CCDC73: variants seen among roughly 807,000 people sequenced by gnomAD.
The protein encoded by CCDC73 is coiled-coil domain-containing protein 73.
CCDC73 carries 95 observed loss-of-function variants against 116.5 expected under a neutral mutation model. That is an observed-to-expected ratio of 0.82 (90% CI 0.69 to 0.97). The LOEUF (loss-of-function observed/expected upper bound fraction) is 0.97. Among genes scored for constraint, CCDC73 ranks in the 50% least tolerant of loss-of-function variants. The pLI is 0.00. For synonymous variants in CCDC73, 398 were observed against 401.3 expected, an observed-to-expected ratio of 0.99 and a Z score of 0.10; for missense variants, 1,066 against 1,206.8, an observed-to-expected ratio of 0.88 and a Z score of 1.73.
chr11:32,753,119 T>G (rs1250315677), intron 2 of CCDC73, among the ~76,000 whole-genome samples: 1 of 152,002 alleles, frequency 6.6e-6, no homozygotes, highest in Non-Finnish European at 1.5e-5. Flanking sequence ...GCCAGTCACT[T>G]TTTTTTAACT....
chr11:32,635,572 G>T, intron 14 of CCDC73, 124 bp downstream of exon 14: 1 of 839,800 alleles, frequency 1.2e-6, no homozygotes, highest in Non-Finnish European at 1.5e-6. Flanking sequence ...ATGTATTAGA[G>T]ACCATATGCA....
intron 3 of CCDC73, among the ~76,000 whole-genome samples, chr11:32,709,597 G>A (rs12292567): frequency 0.012 from 1,822 of 152,270 alleles, 36 homozygotes; most frequent in African/African-American, 0.042. Flanking sequence ...TGCACAGCCT[G>A]CTGTTGGATT....
intron 1 of CCDC73, among the ~76,000 whole-genome samples, chr11:32,783,776 G>A (rs2133399490): frequency 6.6e-6 from 1 of 152,172 alleles, no homozygotes; most frequent in Non-Finnish European, 1.5e-5. Flanking sequence ...ATGAATTTGG[G>A]GGAGACACAA....
chr11:32,784,477 C>T (rs1282461210), intron 1 of CCDC73, among the ~76,000 whole-genome samples: 3 of 152,046 alleles, frequency 2.0e-5, no homozygotes, highest in Non-Finnish European at 2.9e-5. Flanking sequence ...ATGCTACAAC[C>T]GTTTATGGAG....
the CCDC73 span, among the ~76,000 whole-genome samples, chr11:32,820,342 A>T: frequency 6.6e-6 from 1 of 152,022 alleles, no homozygotes; most frequent in Non-Finnish European, 1.5e-5. Flanking sequence ...TTTTGTAGAG[A>T]TGAGGGTCTC....
At chr11:32,770,259 A>G (rs886683081) in intron 1 of CCDC73, among the ~76,000 whole-genome samples, 3 of 152,158 alleles carry the variant, frequency 2.0e-5, no homozygotes, top group Non-Finnish European at 4.4e-5. Flanking sequence ...AAGAGTTCAA[A>G]GGTAGAAACT....
intron 9 of CCDC73, among the ~76,000 whole-genome samples, chr11:32,665,440 G>C (rs938864121): frequency 6.6e-6 from 1 of 152,062 alleles, no homozygotes; most frequent in Non-Finnish European, 1.5e-5. Flanking sequence ...TTTGATCTTT[G>C]TTGGTTTAAA....
chr11:32,648,447 T>C (rs1405548647), intron 12 of CCDC73, among the ~76,000 whole-genome samples: 1 of 152,268 alleles, frequency 6.6e-6, no homozygotes, highest in East Asian at 1.9e-4. Flanking sequence ...CATGTTCATC[T>C]TTCAGTCATT....
the CCDC73 span, among the ~76,000 whole-genome samples, chr11:32,811,701 G>A: frequency 6.6e-6 from 1 of 151,990 alleles, no homozygotes. Context: ...ACAGGGAGGA[G>A]GTGCTAGACT....
intron 7 of CCDC73, chr11:32,683,181 T>G: frequency 3.4e-5 from 9 of 267,044 alleles, no homozygotes; most frequent in Admixed American, 5.3e-5. Flanking sequence ...TACCTACGGG[T>G]TAAGCATCTC....
intron 6 of CCDC73, among the ~76,000 whole-genome samples, chr11:32,688,214 T>C (rs1025867271): frequency 2.0e-5 from 3 of 152,108 alleles, no homozygotes; most frequent in Non-Finnish European, 4.4e-5. Context: ...TCGCCAATAA[T>C]AAAACAAATT....
At chr11:32,736,967 T>TGTATAC (rs1850136563) in intron 2 of CCDC73, among the ~76,000 whole-genome samples, 1 of 149,422 alleles carries the variant, frequency 6.7e-6, no homozygotes, top group African/African-American at 2.5e-5. Flanking sequence ...CACATATACA[T>TGTATAC]ATATATACAT....
At chr11:32,604,900 T>G (rs1256166570) in intron 17 of CCDC73, 1 of 152,256 alleles carries the variant, frequency 6.6e-6, no homozygotes, top group Non-Finnish European at 1.5e-5. Context: ...TCGCCCAGGC[T>G]GGAGTGCAGT....
intron 6 of CCDC73, among the ~76,000 whole-genome samples, chr11:32,696,680 TC>T (rs1490521954): frequency 6.6e-6 from 1 of 150,824 alleles, no homozygotes; most frequent in African/African-American, 2.4e-5. Context: ...AAGCAATCCA[TC>T]CGCCCAAAAT....
intron 1 of CCDC73, among the ~76,000 whole-genome samples, chr11:32,788,086 C>A (rs1056361428): frequency 1.3e-5 from 2 of 152,278 alleles, no homozygotes; most frequent in East Asian, 3.9e-4. Flanking sequence ...ATGGCGAAGT[C>A]TTCCACACTT....
chr11:32,683,535 C>T lies in CCDC73; in HGVS notation c.429+1G>A, dbSNP rs765610305. 1.1e-5 allele frequency: 17 copies of T among 1,518,606 alleles called. No individual in the cohort carries two copies. The highest frequency in any genetic ancestry group is 1.6e-5 in the Non-Finnish European group (17 of 1,096,466). The allele number at this position is 1,518,606 out of a possible 1,614,324, so 94.1% of individuals were successfully genotyped here. A position where few individuals can be genotyped will look rare whatever the true frequency, so the allele number is the denominator to read the frequency against. Reference sequence around the variant, plus strand: ...GAAAATATGTTTTGTAATTTCCTTACCATTTCACTCACTTTCTTCTGTAAA... The same window carrying T: ...GAAAATATGTTTTGTAATTTCCTTATCATTTCACTCACTTTCTTCTGTAAA... On this transcript the variant is annotated splice_donor_variant, in intron 7 of 17. Coordinates refer to ENST00000335185, the MANE Select transcript of CCDC73 (RefSeq NM_001008391.4). LOFTEE classifies it high-confidence loss of function.
At chr11:32,609,936 A>C (rs1028034409) in intron 17 of CCDC73, among the ~76,000 whole-genome samples, 7 of 144,786 alleles carry the variant, frequency 4.8e-5, no homozygotes, top group African/African-American at 1.6e-4. Context: ...CCTGTCACCA[A>C]GCCCAGCTAA....
intron 9 of CCDC73, among the ~76,000 whole-genome samples, chr11:32,674,109 A>T (rs979701482): frequency 1.3e-5 from 2 of 152,206 alleles, no homozygotes; most frequent in South Asian, 4.1e-4. Flanking sequence ...GATGCAACCC[A>T]TATACATAAG....
intron 17 of CCDC73, among the ~76,000 whole-genome samples, chr11:32,606,803 ATTCTT>A (rs1332465682): frequency 5.3e-5 from 7 of 132,582 alleles, no homozygotes; most frequent in African/African-American, 1.1e-4. Flanking sequence ...ATAAAAATAA[ATTCTT>A]TTTTTTTTTT....
Sources: allele counts gnomAD v4.1 joint callset (sites outside exome capture counted in the v4.1 genomes callset), GRCh38; gene constraint gnomAD v4.1.1; transcripts MANE v1.5; gene names NCBI Gene and HGNC (gene_info 2026-07-23, HGNC 2026-07-21).